Variants in ABCC1 observed in about 807,000 individuals in gnomAD.
ABCC1 encodes the protein ATP binding cassette subfamily C member 1 (ABCC1 blood group).
In ABCC1, 83 loss-of-function variants were observed where a neutral mutation model predicts 172.9. The observed-to-expected ratio is 0.48, with a 90% CI of 0.40 to 0.58. The LOEUF (loss-of-function observed/expected upper bound fraction) is 0.58, where lower values mean the gene tolerates loss of function less well. Ranked by LOEUF, ABCC1 falls within the 20% of genes least tolerant of loss-of-function variation. The probability of loss-of-function intolerance (pLI) is 0.00; values close to 1 mark genes in which losing one functional copy is unlikely to be tolerated. For missense variants in ABCC1, 1,817 were observed against 2,002.7 expected, an observed-to-expected ratio of 0.91 and a Z score of 1.77; for synonymous variants, 937 against 825.2, an observed-to-expected ratio of 1.14 and a Z score of -2.32.
intron 27 of ABCC1, among the ~76,000 whole-genome samples, chr16:16,132,290 G>GA (rs2045710960): frequency 6.6e-6 from 1 of 151,772 alleles, no homozygotes; most frequent in South Asian, 2.1e-4. Context: ...CCCAAGTGGG[G>GA]GGACTACACA....
At chr16:16,036,989 A>G (rs997232363) in intron 7 of ABCC1, among the ~76,000 whole-genome samples, 2 of 152,080 alleles carry the variant, frequency 1.3e-5, no homozygotes, top group Admixed American at 6.6e-5. Context: ...CTGTAATCAT[A>G]GCTACTCAGG....
chr16:15,966,551 C>T (rs568157774), intron 1 of ABCC1, among the ~76,000 whole-genome samples: 6 of 152,008 alleles, frequency 3.9e-5, no homozygotes, highest in East Asian at 1.9e-4. Flanking sequence ...GGCTTATCTG[C>T]GAGCCCTTTG....
chr16:16,017,585 C>G lies in ABCC1; in HGVS notation c.615+964C>G, dbSNP rs560414977. ...TCCCTACACCTGCTCCCCAACTTGG[C>G]TTACTTTTAATTAATTAATAATTAA... On this transcript the variant is annotated intron_variant, in intron 5 of 30. Coordinates refer to ENST00000399410, the MANE Select transcript of ABCC1 (RefSeq NM_004996.4). 5.3e-5 allele frequency among the ~76,000 whole-genome samples: 8 copies of G among 152,242 alleles called. No individual in the cohort carries two copies. The South Asian group carries it at 1.7e-3, about 32-fold the overall frequency.
At chr16:16,048,709 G>A (rs909175451) in intron 10 of ABCC1, among the ~76,000 whole-genome samples, 1 of 152,162 alleles carries the variant, frequency 6.6e-6, no homozygotes, top group Non-Finnish European at 1.5e-5. Flanking sequence ...CTAAGTGGCC[G>A]GTTGCAGAGG....
intron 17 of ABCC1, among the ~76,000 whole-genome samples, chr16:16,083,946 T>C (rs2151996636): frequency 6.6e-6 from 1 of 152,270 alleles, no homozygotes; most frequent in Non-Finnish European, 1.5e-5. Flanking sequence ...TGTGGTCACA[T>C]GACTGCAGAG....
chr16:16,027,100 C>G (rs902196850), intron 5 of ABCC1, among the ~76,000 whole-genome samples: 10 of 152,068 alleles, frequency 6.6e-5, no homozygotes, highest in Non-Finnish European at 1.5e-4. Context: ...CTGTCTCTAT[C>G]CTGCGTGTTG....
At chr16:15,979,313 A>T (rs215051) in intron 1 of ABCC1, among the ~76,000 whole-genome samples, 1 of 150,178 alleles carries the variant, frequency 6.7e-6, no homozygotes, top group Non-Finnish European at 1.5e-5. Context: ...AACAAACAAA[A>T]AAAAAACAAA....
intron 5 of ABCC1, among the ~76,000 whole-genome samples, chr16:16,029,385 G>T (rs759932157): frequency 1.3e-5 from 2 of 151,982 alleles, no homozygotes; most frequent in Non-Finnish European, 2.9e-5. Context: ...ACCATGTCCG[G>T]CCAATTTTTA....
At position 15,949,881 on chromosome 16, in the gene ABCC1, G is replaced by C. The variant is rs1332913373; in HGVS notation, c.48+82G>C. 3.6e-6 allele frequency: 4 copies of C among 1,120,744 alleles called. No individual in the cohort carries two copies. The African/African-American group carries it at 6.6e-5, about 18-fold the overall frequency. The allele number at this position is 1,120,744 out of a possible 1,614,324, so 69.4% of individuals were successfully genotyped here. ...AAAGCACCGGGCCCGCAGCCGCCCGGGGCACCCCGCTCCCCGCTCTGCTGC... is the reference window on the plus strand; with the variant it reads ...AAAGCACCGGGCCCGCAGCCGCCCGCGGCACCCCGCTCCCCGCTCTGCTGC... On this transcript the variant is annotated intron_variant, in intron 1 of 30. Transcript: ENST00000399410.
In ABCC1 at chr16:16,069,029, C is replaced by T. The variant is rs72777607; in HGVS notation, c.1824+727C>T. ...AAAAGAAAAACCCCAACCTTACGGC[C>T]GGGCATGATGGTACATGCCTGTAAT... On this transcript the variant is annotated intron_variant, in intron 13 of 30. Transcript: ENST00000399410. Among the ~76,000 whole-genome samples, 771 of 150,174 alleles carry T rather than the reference C, an allele frequency of 5.1e-3. 11 individuals are homozygous for T. The highest frequency in any genetic ancestry group is 6.9e-3 in the Middle Eastern group (2 of 288).
chr16:15,976,922 C>G (rs7188722), intron 1 of ABCC1, among the ~76,000 whole-genome samples: 29,139 of 152,170 alleles, frequency 0.19, 3,515 homozygotes, highest in African/African-American at 0.34. Context: ...GAGCCCAGAT[C>G]TGCTGCCCCA....
chr16:16,118,886 A>T (rs2045025686), intron 23 of ABCC1, among the ~76,000 whole-genome samples: 1 of 113,812 alleles, frequency 8.8e-6, no homozygotes, highest in African/African-American at 4.0e-5. Context: ...TGTATATTAA[A>T]AAAAAAAAAA....
intron 12 of ABCC1, among the ~76,000 whole-genome samples, chr16:16,058,390 C>A (rs548877626): frequency 1.4e-4 from 21 of 152,110 alleles, no homozygotes; most frequent in Non-Finnish European, 2.6e-4. Flanking sequence ...GTTTTTCTGG[C>A]AAGTTTCTGT....
In ABCC1 at chr16:16,068,241, T is replaced by C; in HGVS notation, c.1763T>C (p.Leu588Ser). The stretch of plus-strand genomic sequence containing the variant: ...CAGACAGCCTTCGTGTCTTTGGCCT[T>C]GTTCAACATCCTCCGGTTTCCCCTG... ...DAQTAFVSLA[L>S]FNILRFPLNI... The change falls in exon 13 of 31, where the codon TTG becomes TCG. Residue 588 changes from leucine to serine, a missense_variant. Coordinates refer to ENST00000399410, the MANE Select transcript of ABCC1 (RefSeq NM_004996.4). 3 of 1,614,154 alleles carry C rather than the reference T, an allele frequency of 1.9e-6. No homozygotes were observed. The highest frequency in any genetic ancestry group is 2.5e-6 in the Non-Finnish European group (3 of 1,180,030).
Position 16,044,693 on chromosome 16 carries a change from C to G in ABCC1, c.1040+13C>G. ...CGCAGATCTTAAAGTAAGACCCCTT[C>G]CCTCCCAGGTGGGCTCCATTTTCCC... On this transcript the variant is annotated intron_variant, in intron 8 of 30. Transcript: ENST00000399410. 6.2e-7 allele frequency: 1 copy of G among 1,609,150 alleles called. No individual in the cohort carries two copies.
chr16:15,959,853 A>G (rs1280625663), intron 1 of ABCC1, among the ~76,000 whole-genome samples: 1 of 152,038 alleles, frequency 6.6e-6, no homozygotes, highest in Non-Finnish European at 1.5e-5. Flanking sequence ...TGAGATTTTT[A>G]TGGAGGTTTT....
chr16:16,007,397 G>A (rs1219189467), intron 1 of ABCC1, among the ~76,000 whole-genome samples: 1 of 152,088 alleles, frequency 6.6e-6, no homozygotes, highest in African/African-American at 2.4e-5. Flanking sequence ...GCCACTTTTT[G>A]TGTTTTTCAT....
At chr16:15,979,796 C>T (rs1384847280) in intron 1 of ABCC1, among the ~76,000 whole-genome samples, 2 of 151,990 alleles carry the variant, frequency 1.3e-5, no homozygotes, top group Admixed American at 6.6e-5. Flanking sequence ...TTTTTATCAC[C>T]CTGCTTACTT....
chr16:16,005,878 C>T (rs142720806), intron 1 of ABCC1, among the ~76,000 whole-genome samples: 19 of 151,928 alleles, frequency 1.3e-4, no homozygotes, highest in East Asian at 1.2e-3. Flanking sequence ...CACTTGAACC[C>T]GGGAAGCAGA....
Sources: gnomAD v4.1 joint callset for allele counts (sites outside exome capture counted in the v4.1 genomes callset) on GRCh38, gnomAD v4.1.1 for gene constraint, MANE v1.5 for transcripts, NCBI Gene and HGNC (gene_info 2026-07-23, HGNC 2026-07-21) for gene names.